EMD: variants seen among roughly 807,000 people sequenced by gnomAD.
The protein encoded by EMD is LEM domain containing 5.
A neutral mutation model predicts 15.2 loss-of-function variants in EMD; 2 were observed. The ratio of observed to expected loss-of-function variants is 0.13; its 90% CI spans 0.05 to 0.41. The LOEUF (loss-of-function observed/expected upper bound fraction) is 0.41, where lower values mean the gene tolerates loss of function less well. EMD is among the 10% of genes least tolerant of loss of function. The probability of loss-of-function intolerance (pLI) is 0.99; values close to 1 mark genes in which losing one functional copy is unlikely to be tolerated. For missense variants in EMD, 224 were observed against 213.4 expected, an observed-to-expected ratio of 1.05 and a Z score of -0.31; for synonymous variants, 122 against 86.2, an observed-to-expected ratio of 1.42 and a Z score of -2.30.
Position 154,380,235 on chromosome X carries a change from C to T in EMD, c.267C>T (p.Gly89=). 1 of 1,211,425 alleles carries T rather than the reference C, an allele frequency of 8.3e-7. No homozygotes were observed. Among genetic ancestry groups the T allele is most frequent in the Non-Finnish European group, 1.1e-6 (1 of 895,577 alleles). The change falls in exon 4 of 6, where the codon GGC becomes GGT. Residue 89 remains glycine, a splice_region_variant and synonymous_variant. Transcript: ENST00000369842. ...GCTACCGCTGCCCCCCTTCCCAAGGCTACAATGACGACTACTATGAAGAGA... is the reference window on the plus strand; with the variant it reads ...GCTACCGCTGCCCCCCTTCCCAAGGTTACAATGACGACTACTATGAAGAGA... ...KEDALLYQSK[G]YNDDYYEESY...
intron 4 of EMD, 119 bp downstream of exon 4, chrX:154,380,486 C>G: frequency 5.5e-6 from 6 of 1,089,112 alleles, no homozygotes; most frequent in South Asian, 3.8e-5. Context: ...CGGGGAGACT[C>G]TGTGTGACTA....
chrX:154,379,400 C>G lies in EMD; in HGVS notation c.-85C>G. 9.7e-7 allele frequency: 1 copy of G among 1,030,288 alleles called. No individual in the cohort carries two copies. Among genetic ancestry groups the G allele is most frequent in the Admixed American group, 2.6e-5 (1 of 37,739 alleles). 84.9% of individuals were successfully genotyped at this position (1,030,288 alleles called of 1,213,427 possible). A position where few individuals can be genotyped will look rare whatever the true frequency, so the allele number is the denominator to read the frequency against. ...CGCTCCCGATGCGCTCGTGCCGCCC[C>G]CGCCGTGCTCCTCGGCAGCCGTTGC... On this transcript the variant is annotated 5_prime_UTR_variant, in exon 1 of 6. Coordinates refer to ENST00000369842, the MANE Select transcript of EMD (RefSeq NM_000117.3).
rs2148129136 is a variant in EMD, at chrX:154,381,341, G to C, written c.*144G>C. ...GGGGCGCTGGGCCTAGCCCAGAGTAGTGCTTGCTCCCCCTGCCTTGTCCCA... is the reference window on the plus strand; with the variant it reads ...GGGGCGCTGGGCCTAGCCCAGAGTACTGCTTGCTCCCCCTGCCTTGTCCCA... On this transcript the variant is annotated 3_prime_UTR_variant, in exon 6 of 6. Transcript: ENST00000369842. 1 of 772,664 alleles carries C rather than the reference G, an allele frequency of 1.3e-6. No individual in the cohort carries two copies. The highest frequency in any genetic ancestry group is 2.8e-5 in the South Asian group (1 of 36,051). The allele number at this position is 772,664 out of a possible 1,213,427, so 63.7% of individuals were successfully genotyped here.
rs1569552104 is a variant in EMD at position 154,380,974 on chromosome X, A to G, written c.542A>G (p.Tyr181Cys). Reference protein sequence around the residue: ...SASRSSLDLSYYPTSSSTSFM... With the variant: ...SASRSSLDLSCYPTSSSTSFM... ...TCCAGGAGCTCCCTGGACCTGTCCT[A>G]TTATCCTACTTCCTCCTCCACCTCT... is the stretch of plus-strand genomic sequence containing the variant. Residue 181 changes from tyrosine to cysteine, a missense_variant, in exon 6 of 6, where the codon TAT becomes TGT. Coordinates refer to ENST00000369842, the MANE Select transcript of EMD (RefSeq NM_000117.3). 1 of 1,210,858 alleles carries G rather than the reference A, an allele frequency of 8.3e-7. No individual in the cohort carries two copies. The highest frequency in any genetic ancestry group is 1.8e-5 in the South Asian group (1 of 56,975).
At position 154,381,116 on chromosome X, in the gene EMD, G is replaced by C; in HGVS notation, c.684G>C (p.Gln228His). The change falls in exon 6 of 6, where the codon CAG (glutamine) becomes CAC (histidine). Residue 228 changes from glutamine to histidine, a missense_variant. Physicochemically the swap from Gln to His is conservative, Grantham distance 24 (BLOSUM62 0). Transcript: ENST00000369842. Reference sequence around the variant, plus strand: ...ATCGCCAGGTCCCGCTCTGGGGCCAGCTGCTGCTTTTCCTGGTCTTTGTGA... The same window carrying C: ...ATCGCCAGGTCCCGCTCTGGGGCCACCTGCTGCTTTTCCTGGTCTTTGTGA... Reference protein sequence around the residue: ...GQDRQVPLWGQLLLFLVFVIV... With the variant: ...GQDRQVPLWGHLLLFLVFVIV... 1 of 1,212,128 alleles carries C rather than the reference G, an allele frequency of 8.2e-7. No homozygotes were observed. Among genetic ancestry groups the C allele is most frequent in the Non-Finnish European group, 1.1e-6 (1 of 895,516 alleles).
At chrX:154,380,422 G>A in intron 4 of EMD, 55 bp downstream of exon 4, 1 of 1,209,358 alleles carries the variant, frequency 8.3e-7, no homozygotes. Context: ...GATCGCGGCT[G>A]TGTTTGGATA....
In EMD at chrX:154,381,204, C is replaced by T. The variant is rs1557182735; in HGVS notation, c.*7C>T. On this transcript the variant is annotated 3_prime_UTR_variant, in exon 6 of 6. Coordinates refer to ENST00000369842, the MANE Select transcript of EMD (RefSeq NM_000117.3). ...AGAAGGCAACCCCTTCTAGAGGGAG[C>T]CATGAGGGTCTGGGCTTCAGAGCTA... 8.5e-7 allele frequency: 1 copy of T among 1,173,337 alleles called. No homozygotes were observed. The highest frequency in any genetic ancestry group is 1.1e-6 in the Non-Finnish European group (1 of 873,253).
At chrX:154,380,057 C>G in intron 3 of EMD, 38 bp downstream of exon 3, 1 of 1,199,812 alleles carries the variant, frequency 8.3e-7, no homozygotes, top group Non-Finnish European at 1.1e-6. Context: ...GGCACCTTCA[C>G]CCGACTTCGT....
At chrX:154,380,559 T>TG in intron 4 of EMD, 192 bp downstream of exon 4, 1 of 838,838 alleles carries the variant, frequency 1.2e-6, no homozygotes, top group African/African-American at 2.0e-5. Context: ...CAAAAGGGGA[T>TG]GCTGGGGCAT....
intron 4 of EMD, 134 bp from the exon 5 acceptor site, chrX:154,380,619 A>G (rs2067881639): frequency 1.0e-6 from 1 of 954,547 alleles, no homozygotes; most frequent in Non-Finnish European, 1.5e-6. Context: ...ACCCAGAGCC[A>G]TTCAGGAGGG....
chrX:154,381,208 G>A lies in EMD; in HGVS notation c.*11G>A, dbSNP rs371716263. On this transcript the variant is annotated 3_prime_UTR_variant, in exon 6 of 6. Transcript: ENST00000369842. The stretch of plus-strand genomic sequence containing the variant: ...GGCAACCCCTTCTAGAGGGAGCCAT[G>A]AGGGTCTGGGCTTCAGAGCTAGGTC... 4.2e-6 allele frequency: 5 copies of A among 1,198,672 alleles called. No individual in the cohort carries two copies. Among genetic ancestry groups the A allele is most frequent in the Admixed American group, 4.4e-5 (2 of 45,052 alleles).
chrX:154,381,104 G>C lies in EMD; in HGVS notation c.672G>C (p.Pro224=). The C allele has an allele frequency of 1.7e-6, 2 of 1,211,920 alleles. No homozygotes were observed. Among genetic ancestry groups the C allele is most frequent in the Non-Finnish European group, 2.2e-6 (2 of 895,457 alleles). Residue 224 remains proline (P), a synonymous_variant, in exon 6 of 6, where the codon CCG becomes CCC. Coordinates refer to ENST00000369842, the MANE Select transcript of EMD (RefSeq NM_000117.3). ...GAGLGQDRQV[P]LWGQLLLFLV... ...GGCTGGGCCAGGATCGCCAGGTCCC[G>C]CTCTGGGGCCAGCTGCTGCTTTTCC...
chrX:154,380,102 C>G, intron 3 of EMD, 83 bp downstream of exon 3: 1 of 1,187,286 alleles, frequency 8.4e-7, no homozygotes, highest in Non-Finnish European at 1.1e-6. Flanking sequence ...CCTGAGACCT[C>G]AGTCCCAACC....
Position 154,380,025 on chromosome X carries a change from G to T in EMD, c.265+6G>T. ...TTTACTCTACCAGAGCAAGGGTAAG[G>T]CAGGGGTTGGGTGGGCACGCTGGCA... On this transcript the variant is annotated splice_donor_region_variant and intron_variant, in intron 3 of 5. Coordinates refer to ENST00000369842, the MANE Select transcript of EMD (RefSeq NM_000117.3). 1 of 1,210,809 alleles carries T rather than the reference G, an allele frequency of 8.3e-7. No individual in the cohort carries two copies. The highest frequency in any genetic ancestry group is 1.7e-5 in the African/African-American group (1 of 57,890).
chrX:154,381,372 G>C lies in EMD; in HGVS notation c.*175G>C. 1.8e-6 allele frequency: 1 copy of C among 561,121 alleles called. No homozygotes were observed. The allele number at this position is 561,121 out of a possible 1,213,427, so 46.2% of individuals were successfully genotyped here. On this transcript the variant is annotated 3_prime_UTR_variant, in exon 6 of 6. Coordinates refer to ENST00000369842, the MANE Select transcript of EMD (RefSeq NM_000117.3). Reference sequence around the variant, plus strand: ...GCTCCCCCTGCCTTGTCCCACCAGGGAGGCAGCAGACTCAGGCCCTCCATG... The same window carrying C: ...GCTCCCCCTGCCTTGTCCCACCAGGCAGGCAGCAGACTCAGGCCCTCCATG...
chrX:154,380,412 G>T, intron 4 of EMD, 45 bp downstream of exon 4: 1 of 1,210,171 alleles, frequency 8.3e-7, no homozygotes, highest in Middle Eastern at 2.3e-4. Context: ...CAACCTAGGG[G>T]ATCGCGGCTG....
At position 154,380,438 on chromosome X, in the gene EMD, A is replaced by AG; in HGVS notation, c.399+77dup. 4.2e-6 allele frequency: 5 copies of AG among 1,201,222 alleles called. No individual in the cohort carries two copies. In the South Asian group the frequency reaches 8.9e-5, roughly 21 times the overall value. The stretch of plus-strand genomic sequence containing the variant: ...ATCGCGGCTGTGTTTGGATAAATCC[A>AG]GGGGGGCACTGGGTACAAATGGTGG... On this transcript the variant is annotated intron_variant, in intron 4 of 5. Transcript: ENST00000369842.
At position 154,381,094 on chromosome X, in the gene EMD, G is replaced by T. The variant is rs782057378; in HGVS notation, c.662G>T (p.Arg221Leu). The change falls in exon 6 of 6, where the codon CGC becomes CTC. Residue 221 changes from arginine (R) to leucine (L), a missense_variant. Coordinates refer to ENST00000369842, the MANE Select transcript of EMD (RefSeq NM_000117.3). ...RAPGAGLGQDRQVPLWGQLLL... is the reference protein window; with the variant it reads ...RAPGAGLGQDLQVPLWGQLLL... ...CCTGGGGCTGGGCTGGGCCAGGATC[G>T]CCAGGTCCCGCTCTGGGGCCAGCTG... The T allele has an allele frequency of 2.8e-5, 34 of 1,210,472 alleles. No individual in the cohort carries two copies. In the Admixed American group the frequency reaches 7.2e-4, roughly 26 times the overall value.
Position 154,379,377 on chromosome X carries a change from C to T in EMD, c.-108C>T. On this transcript the variant is annotated 5_prime_UTR_variant, in exon 1 of 6. Transcript: ENST00000369842. ...TTCGGCTGTGACGCGAGCGCGGCCG[C>T]TCCCGATGCGCTCGTGCCGCCCCCG... is the stretch of plus-strand genomic sequence containing the variant. The T allele has an allele frequency of 1.2e-6, 1 of 864,731 alleles. No homozygotes were observed. Among genetic ancestry groups the T allele is most frequent in the South Asian group, 2.3e-5 (1 of 43,316 alleles). 71.3% of individuals were successfully genotyped at this position (864,731 alleles called of 1,213,427 possible).
Sources: allele counts gnomAD v4.1 joint callset, GRCh38; gene constraint gnomAD v4.1.1; transcripts MANE v1.5; gene names NCBI Gene and HGNC (gene_info 2026-07-23, HGNC 2026-07-21).